The following MAP3K4 variants were observed in gnomAD, a reference collection of about 807,000 sequenced individuals.
MAP3K4 encodes the protein mitogen-activated protein kinase kinase kinase 4.
MAP3K4 carries 67 observed loss-of-function variants against 185.6 expected under a neutral mutation model. That is an observed-to-expected ratio of 0.36 (90% confidence interval 0.30 to 0.44). The LOEUF is 0.44. Among genes scored for constraint, MAP3K4 ranks in the 20% least tolerant of loss-of-function variants. The pLI, the probability that MAP3K4 is intolerant of heterozygous loss-of-function variation, is 1.00. For synonymous variants in MAP3K4, 702 were observed against 710.4 expected (o/e 0.99, Z 0.19); for missense variants, 1,551 against 1,995.1 (o/e 0.78, Z 4.24).
Position 161,067,134 on chromosome 6 carries a change from C to A in MAP3K4, c.1708-3474C>A. On this transcript the variant is annotated intron_variant, in intron 3 of 26. Coordinates refer to ENST00000392142, the MANE Select transcript of MAP3K4 (RefSeq NM_005922.4). The surrounding 1 kb of genome is among the most constrained non-coding windows in gnomAD (Gnocchi z 6.3). ...AGGATGTGTGCGCCTGTGACACAGC[C>A]TCAGGACGTCCTGACTATGTGTGCC... The A allele has an allele frequency of 4.3e-6, 1 of 232,018 alleles. No homozygotes were observed. The allele number at this position is 232,018 out of a possible 1,614,324, so 14.4% of individuals were successfully genotyped here.
In MAP3K4 at chr6:161,033,037, G is replaced by T. The variant is rs375861933; in HGVS notation, c.153-1222G>T. On this transcript the variant is annotated intron_variant, in intron 1 of 26. Transcript: ENST00000392142. Reference sequence around the variant, plus strand: ...CTGCAATATTTTTATTTTTCAAAAGGTAATTTATTTTCTGCAGTTTTGTCA... The same window carrying T: ...CTGCAATATTTTTATTTTTCAAAAGTTAATTTATTTTCTGCAGTTTTGTCA... 1.2e-4 allele frequency among the ~76,000 whole-genome samples: 18 copies of T among 152,206 alleles called. No homozygotes were observed. In the East Asian group the frequency reaches 2.9e-3, roughly 24 times the overall value.
chr6:161,046,494 A>C (rs1408281172), intron 2 of MAP3K4, among the ~76,000 whole-genome samples: 3 of 147,130 alleles, frequency 2.0e-5, no homozygotes, highest in Admixed American at 1.4e-4. Context: ...ACTAAAGATA[A>C]AAATTCTATC....
At chr6:161,033,691 A>G (rs936229613) in intron 1 of MAP3K4, among the ~76,000 whole-genome samples, 1 of 152,144 alleles carries the variant, frequency 6.6e-6, no homozygotes, top group African/African-American at 2.4e-5. Flanking sequence ...TGTAATTTTT[A>G]TCAGACAACT....
chr6:161,047,572 G>A (rs751615370), intron 2 of MAP3K4, among the ~76,000 whole-genome samples: 1 of 152,070 alleles, frequency 6.6e-6, no homozygotes, highest in Non-Finnish European at 1.5e-5. Context: ...GATTGAGATG[G>A]CGTTATAGGT....
rs1008175073 is a variant in MAP3K4, at chr6:161,008,809, C to T, written c.152+16726C>T. ...TGATATTTTACATCTACTACTTTCACTCAGCATGGTGCTTGTGAGGTTCAT... is the reference window on the plus strand; with the variant it reads ...TGATATTTTACATCTACTACTTTCATTCAGCATGGTGCTTGTGAGGTTCAT... On this transcript the variant is annotated intron_variant, in intron 1 of 26. Transcript: ENST00000392142. This position sits in a 1 kb window ranked among gnomAD's most constrained non-coding sequence, Gnocchi z 4.1. Among the ~76,000 whole-genome samples, 1 of 152,144 alleles carries T rather than the reference C, an allele frequency of 6.6e-6. No individual in the cohort carries two copies. Among genetic ancestry groups the T allele is most frequent in the African/African-American group, 2.4e-5 (1 of 41,416 alleles).
chr6:161,094,294 A>G (rs1389216864), intron 15 of MAP3K4, among the ~76,000 whole-genome samples: 2 of 152,194 alleles, frequency 1.3e-5, no homozygotes, highest in Non-Finnish European at 1.5e-5. Flanking sequence ...TTTCCCAAGT[A>G]CCCATCTTCC....
chr6:161,009,339 A>T (rs1320624405), intron 1 of MAP3K4, among the ~76,000 whole-genome samples: 2 of 152,158 alleles, frequency 1.3e-5, no homozygotes, highest in African/African-American at 4.8e-5. Context: ...TATTTACACT[A>T]TTGATGCAAC....
rs1777915889 is a variant in MAP3K4 at position 161,103,319 on chromosome 6, T to C, written c.3856+540T>C. On this transcript the variant is annotated intron_variant, in intron 19 of 26. Coordinates refer to ENST00000392142, the MANE Select transcript of MAP3K4 (RefSeq NM_005922.4). This position sits in a 1 kb window ranked among gnomAD's most constrained non-coding sequence, Gnocchi z 4.6. ...TTGGCCAAGGTAGTAAATGAGAGGG[T>C]GAGGACCAGAAGGCACTTGTCTCAA... Among the ~76,000 whole-genome samples the C allele has an allele frequency of 6.6e-6, 1 of 152,108 alleles. No homozygotes were observed. The highest frequency in any genetic ancestry group is 6.5e-5 in the Admixed American group (1 of 15,268).
Position 161,073,563 on chromosome 6 carries a change from C to CTGGA in MAP3K4, c.2048_2049insTGGA (p.Asp684GlyfsTer6). On this transcript the variant is annotated frameshift_variant, in exon 5 of 27. Transcript: ENST00000392142. LOFTEE classifies it high-confidence loss of function. This position sits in a 1 kb window ranked among gnomAD's most constrained non-coding sequence, Gnocchi z 4.2. ...GAGGTTCTGGAGGACTTGGAGAAGC[C>CTGGA]CGACTGCAACATTGACGCTTTTGAA... The CTGGA allele has an allele frequency of 6.2e-7, 1 of 1,613,850 alleles. No homozygotes were observed. The highest frequency in any genetic ancestry group is 1.7e-4 in the Middle Eastern group (1 of 6,058).
rs1420630627 is a variant in MAP3K4 at position 161,048,175 on chromosome 6, C to T, written c.344-441C>T. Reference sequence around the variant, plus strand: ...TGAGAAAAGTAATCCAGATAATTTACGTGATTTCCTCTTAAGTTTACACAT... The same window carrying T: ...TGAGAAAAGTAATCCAGATAATTTATGTGATTTCCTCTTAAGTTTACACAT... On this transcript the variant is annotated intron_variant, in intron 2 of 26. Transcript: ENST00000392142. The surrounding 1 kb of genome is among the most constrained non-coding windows in gnomAD (Gnocchi z 4.7). The T allele has an allele frequency of 1.4e-5, 7 of 497,266 alleles. No homozygotes were observed. The highest frequency in any genetic ancestry group is 6.0e-5 in the East Asian group (1 of 16,632). The allele number at this position is 497,266 out of a possible 1,614,324, so 30.8% of individuals were successfully genotyped here.
At position 161,100,857 on chromosome 6, in the gene MAP3K4, G is replaced by A. The variant is rs757340810; in HGVS notation, c.3675-1035G>A. ...AGTGGTTTTCCCGTCAGATAGTGCCGAATTTTTTATGAACTATATGGCAGT... is the reference window on the plus strand; with the variant it reads ...AGTGGTTTTCCCGTCAGATAGTGCCAAATTTTTTATGAACTATATGGCAGT... On this transcript the variant is annotated intron_variant, in intron 17 of 26. Transcript: ENST00000392142. This position sits in a 1 kb window ranked among gnomAD's most constrained non-coding sequence, Gnocchi z 5.8. Among the ~76,000 whole-genome samples the A allele has an allele frequency of 2.0e-5, 3 of 152,010 alleles. No homozygotes were observed. The highest frequency in any genetic ancestry group is 1.9e-4 in the East Asian group (1 of 5,190).
rs146898920 is a variant in MAP3K4 at position 161,014,005 on chromosome 6, C to A, written c.153-20254C>A. On this transcript the variant is annotated intron_variant, in intron 1 of 26. Transcript: ENST00000392142. ...TGAACCCTGCCTCTGGAGTCCAGTC[C>A]CGCCTTCATTGTAAACTCTAAAAGA... 6.3e-4 allele frequency among the ~76,000 whole-genome samples: 96 copies of A among 152,216 alleles called. 2 individuals are homozygous for A. In the East Asian group the frequency reaches 0.015, roughly 24 times the overall value.
intron 23 of MAP3K4, among the ~76,000 whole-genome samples, chr6:161,111,248 A>G (rs1583249706): frequency 6.6e-6 from 1 of 152,236 alleles, no homozygotes; most frequent in East Asian, 1.9e-4. Flanking sequence ...AGTTGGAGCA[A>G]TAATATCTTG....
In MAP3K4 at chr6:161,050,090, T is replaced by C; in HGVS notation, c.1707+111T>C. 3.6e-6 allele frequency: 4 copies of C among 1,113,188 alleles called. No homozygotes were observed. In the South Asian group the frequency reaches 4.9e-5, roughly 14 times the overall value. The allele number at this position is 1,113,188 out of a possible 1,614,324, so 69.0% of individuals were successfully genotyped here. ...ATATTCTAATATTTTTGAACACAAA[T>C]GGCAGTTATAAATTGCACATTTAAG... is the stretch of plus-strand genomic sequence containing the variant. On this transcript the variant is annotated intron_variant, in intron 3 of 26. Coordinates refer to ENST00000392142, the MANE Select transcript of MAP3K4 (RefSeq NM_005922.4).
At chr6:161,081,498 TAAG>T (rs1785456011) in intron 6 of MAP3K4, among the ~76,000 whole-genome samples, 1 of 152,102 alleles carries the variant, frequency 6.6e-6, no homozygotes, top group African/African-American at 2.4e-5. Context: ...ATGCAGAACT[TAAG>T]AAGTATTTTA....
chr6:161,088,423 CTG>C lies in MAP3K4; in HGVS notation c.2823+473_2823+474del, dbSNP rs559193837. 1.5e-3 allele frequency among the ~76,000 whole-genome samples: 236 copies of C among 152,262 alleles called. 1 individual carries two copies. The highest frequency in any genetic ancestry group is 5.4e-3 in the African/African-American group (224 of 41,534). On this transcript the variant is annotated intron_variant, in intron 10 of 26. Coordinates refer to ENST00000392142, the MANE Select transcript of MAP3K4 (RefSeq NM_005922.4). The surrounding 1 kb of genome is among the most constrained non-coding windows in gnomAD (Gnocchi z 4.5). ...AACTATGAGAAGCTTTCTCATTTAT[CTG>C]TGTTCAGCTTAGGAACAGTCATGGT...
At chr6:161,032,183 A>C (rs899915294) in intron 1 of MAP3K4, among the ~76,000 whole-genome samples, 3 of 152,190 alleles carry the variant, frequency 2.0e-5, no homozygotes, top group Non-Finnish European at 4.4e-5. Context: ...ATGAAAACAG[A>C]AACCTTATAA....
At chr6:161,046,334 A>G (rs1783727293) in intron 2 of MAP3K4, among the ~76,000 whole-genome samples, 1 of 152,170 alleles carries the variant, frequency 6.6e-6, no homozygotes, top group African/African-American at 2.4e-5. Context: ...AGTTAAACGC[A>G]TCAGAGCAAG....
chr6:161,034,310 A>G lies in MAP3K4; in HGVS notation c.204A>G (p.Leu68=), dbSNP rs749764131. 1.2e-6 allele frequency: 2 copies of G among 1,614,044 alleles called. No individual in the cohort carries two copies. The highest frequency in any genetic ancestry group is 1.7e-6 in the Non-Finnish European group (2 of 1,179,910). Residue 68 remains leucine, a synonymous_variant, in exon 2 of 27, where the codon CTA becomes CTG. Transcript: ENST00000392142. This position sits in a 1 kb window ranked among gnomAD's most constrained non-coding sequence, Gnocchi z 4.4. The part of the protein sequence containing the change: ...DSACKSPESD[L]EDFSDETNTE... ...CTTGCAAGAGTCCTGAATCTGATCT[A>G]GAAGACTTCTCCGATGAAACAAATA...
Sources: allele counts gnomAD v4.1 joint callset (sites outside exome capture counted in the v4.1 genomes callset), GRCh38; gene constraint gnomAD v4.1.1; non-coding constraint Gnocchi (gnomAD v3.1); transcripts MANE v1.5; gene names NCBI Gene and HGNC (gene_info 2026-07-23, HGNC 2026-07-21).